The following MORF4L1 variants were observed in gnomAD, a reference collection of about 807,000 sequenced individuals.
The protein encoded by MORF4L1 is mortality factor 4-like protein 1.
In MORF4L1, 4 loss-of-function variants were observed where a neutral mutation model predicts 52.9. The ratio of observed to expected loss-of-function variants is 0.08; its 90% CI spans 0.04 to 0.17. MORF4L1 has a LOEUF of 0.17. MORF4L1 is among the 10% of genes least tolerant of loss of function. The probability of loss-of-function intolerance (pLI) is 1.00; values close to 1 mark genes in which losing one functional copy is unlikely to be tolerated. For synonymous variants in MORF4L1, 123 were observed against 134.8 expected (o/e 0.91, Z 0.61); for missense variants, 214 against 390.4 (o/e 0.55, Z 3.81).
intron 3 of MORF4L1, among the ~76,000 whole-genome samples, chr15:78,883,894 A>G (rs547784744): frequency 6.6e-6 from 1 of 152,198 alleles, no homozygotes; most frequent in Non-Finnish European, 1.5e-5. Context: ...GGAATTAGTC[A>G]CATTACCGTT....
Position 78,872,912 on chromosome 15 carries a change from C to T in MORF4L1, c.-106C>T. ...GGCAAATCCGGCCCAGGATGTAGAGCTGGCAGTGCCTGACGGCGCGTCTGA... is the reference window on the plus strand; with the variant it reads ...GGCAAATCCGGCCCAGGATGTAGAGTTGGCAGTGCCTGACGGCGCGTCTGA... On this transcript the variant is annotated 5_prime_UTR_variant, in exon 1 of 12. Coordinates refer to ENST00000426013, the MANE Select transcript of MORF4L1 (RefSeq NM_006791.4). The T allele has an allele frequency of 2.0e-5, 30 of 1,489,072 alleles. 1 individual carries two copies. In the South Asian group the frequency reaches 3.4e-4, roughly 17 times the overall value. 92.2% of individuals were successfully genotyped at this position (1,489,072 alleles called of 1,614,324 possible).
In MORF4L1 at chr15:78,897,938, G is replaced by A. The variant is rs1412072808; in HGVS notation, c.*871G>A. The A allele has an allele frequency of 1.3e-5, 2 of 152,100 alleles. No homozygotes were observed. Among genetic ancestry groups the A allele is most frequent in the Non-Finnish European group, 1.5e-5 (1 of 68,032 alleles). The allele number at this position is 152,100 out of a possible 1,614,324, so 9.4% of individuals were successfully genotyped here. On this transcript the variant is annotated 3_prime_UTR_variant, in exon 12 of 12. Transcript: ENST00000426013. ...TTGAGTCTTAGCTAAAAAGTTAGAA[G>A]TTTACATGACTGTTTTTTTTATTTT...
intron 5 of MORF4L1, among the ~76,000 whole-genome samples, chr15:78,888,273 TG>T (rs2056740802): frequency 6.6e-6 from 1 of 151,796 alleles, no homozygotes. Context: ...GAGACCAACT[TG>T]GGCAACATCG....
At chr15:78,873,460 G>C (rs2056410802) in intron 1 of MORF4L1, among the ~76,000 whole-genome samples, 1 of 152,104 alleles carries the variant, frequency 6.6e-6, no homozygotes, top group Admixed American at 6.5e-5. Context: ...CCTGCGGCGC[G>C]CCCGGCCGCT....
At chr15:78,894,575 A>G (rs2056854127) in intron 10 of MORF4L1, 8 of 455,308 alleles carry the variant, frequency 1.8e-5, no homozygotes, top group Non-Finnish European at 3.2e-5. Context: ...ATCTGTGGTA[A>G]TTTTTGTATT....
intron 1 of MORF4L1, chr15:78,876,650 G>C: frequency 2.2e-6 from 1 of 448,902 alleles, no homozygotes; most frequent in South Asian, 1.6e-5. Flanking sequence ...ACACAGATCT[G>C]ATCTGATCTT....
intron 7 of MORF4L1, 145 bp downstream of exon 7, chr15:78,891,717 G>A: frequency 1.6e-6 from 1 of 614,022 alleles, no homozygotes. Flanking sequence ...GGGGGTAAAG[G>A]ATAAATTTCT....
At chr15:78,875,262 G>A (rs1312196259) in intron 1 of MORF4L1, among the ~76,000 whole-genome samples, 6 of 152,202 alleles carry the variant, frequency 3.9e-5, no homozygotes. Context: ...TCTGGAAGAA[G>A]CGCTTTAGTT....
rs1390792421 is a variant in MORF4L1, at chr15:78,894,813, T to G, written c.803-7T>G. ...GTAACTTTGGATAAATTCTCTTGTT[T>G]AAACAGTACGAATTGGAGCAATGTT... is the stretch of plus-strand genomic sequence containing the variant. On this transcript the variant is annotated splice_polypyrimidine_tract_variant and splice_region_variant and intron_variant, in intron 10 of 11. Coordinates refer to ENST00000426013, the MANE Select transcript of MORF4L1 (RefSeq NM_006791.4). 1 of 1,609,152 alleles carries G rather than the reference T, an allele frequency of 6.2e-7. No individual in the cohort carries two copies. Among genetic ancestry groups the G allele is most frequent in the South Asian group, 1.1e-5 (1 of 90,950 alleles).
Position 78,898,015 on chromosome 15 carries a change from T to A in MORF4L1, c.*948T>A, listed in dbSNP as rs1472199613. ...TTAATTAAGGGCATTTTCACCTGTG[T>A]AAAATTATGGTCAGCTTTTTTCTGT... is the stretch of plus-strand genomic sequence containing the variant. On this transcript the variant is annotated 3_prime_UTR_variant, in exon 12 of 12. Coordinates refer to ENST00000426013, the MANE Select transcript of MORF4L1 (RefSeq NM_006791.4). 1 of 152,238 alleles carries A rather than the reference T, an allele frequency of 6.6e-6. No individual in the cohort carries two copies. Among genetic ancestry groups the A allele is most frequent in the Non-Finnish European group, 1.5e-5 (1 of 68,034 alleles). The allele number at this position is 152,238 out of a possible 1,614,324, so 9.4% of individuals were successfully genotyped here. A position where few individuals can be genotyped will look rare whatever the true frequency, so the allele number is the denominator to read the frequency against.
chr15:78,873,687 G>T (rs2141581024), intron 1 of MORF4L1: 1 of 154,400 alleles, frequency 6.5e-6, no homozygotes, highest in Non-Finnish European at 1.4e-5. Context: ...CCCCTTCCAC[G>T]ACGACCAGAA....
intron 3 of MORF4L1, among the ~76,000 whole-genome samples, chr15:78,880,835 T>C (rs1198712790): frequency 1.3e-5 from 2 of 151,750 alleles, no homozygotes; most frequent in African/African-American, 4.8e-5. Context: ...AGTCAATCAA[T>C]TATTCTGGTT....
In MORF4L1 at chr15:78,897,949, TG is replaced by T. The variant is rs1814294713; in HGVS notation, c.*883del. The T allele has an allele frequency of 6.6e-6, 1 of 152,220 alleles. No individual in the cohort carries two copies. The highest frequency in any genetic ancestry group is 1.5e-5 in the Non-Finnish European group (1 of 68,046). 9.4% of individuals were successfully genotyped at this position (152,220 alleles called of 1,614,324 possible). A position where few individuals can be genotyped will look rare whatever the true frequency, so the allele number is the denominator to read the frequency against. ...CTAAAAAGTTAGAAGTTTACATGACTGTTTTTTTTATTTTCCCTAAATTATT... is the reference window on the plus strand; with the variant it reads ...CTAAAAAGTTAGAAGTTTACATGACTTTTTTTTTATTTTCCCTAAATTATT... On this transcript the variant is annotated 3_prime_UTR_variant, in exon 12 of 12. Transcript: ENST00000426013.
intron 1 of MORF4L1, chr15:78,873,891 C>T (rs1047576815): frequency 2.0e-5 from 3 of 152,256 alleles, no homozygotes; most frequent in Non-Finnish European, 4.4e-5. Flanking sequence ...TAAAAATGAT[C>T]TGAATGCAGT....
intron 2 of MORF4L1, 47 bp from the exon 3 acceptor site, chr15:78,880,465 C>G: frequency 1.4e-6 from 2 of 1,420,968 alleles, no homozygotes; most frequent in Non-Finnish European, 2.0e-6. Flanking sequence ...AAGGTAGTGT[C>G]TTTAAAAAAT....
chr15:78,882,349 A>G (rs2056618301), intron 3 of MORF4L1, among the ~76,000 whole-genome samples: 1 of 139,318 alleles, frequency 7.2e-6, no homozygotes, highest in African/African-American at 2.8e-5. Context: ...ATTTCTAATA[A>G]TGATAGGTAA....
intron 10 of MORF4L1, 44 bp from the exon 11 acceptor site, chr15:78,894,776 C>G (rs776095920): frequency 2.1e-5 from 29 of 1,409,470 alleles, no homozygotes; most frequent in African/African-American, 4.2e-5. Flanking sequence ...TTGTAGTGCC[C>G]CTGCCTTGGA....
chr15:78,895,876 T>G (rs2056878505), intron 11 of MORF4L1, among the ~76,000 whole-genome samples: 1 of 151,736 alleles, frequency 6.6e-6, no homozygotes, highest in Non-Finnish European at 1.5e-5. Flanking sequence ...AGATTTATCA[T>G]CTTTTCTTTA....
intron 3 of MORF4L1, among the ~76,000 whole-genome samples, chr15:78,885,788 T>G (rs2056692422): frequency 6.6e-6 from 1 of 152,132 alleles, no homozygotes; most frequent in African/African-American, 2.4e-5. Context: ...AATAACTGAG[T>G]TTTTGACTCC....
Sources: allele counts gnomAD v4.1 joint callset (sites outside exome capture counted in the v4.1 genomes callset), GRCh38; gene constraint gnomAD v4.1.1; transcripts MANE v1.5; gene names NCBI Gene and HGNC (gene_info 2026-07-23, HGNC 2026-07-21).